DNM1L: variants seen among roughly 807,000 people sequenced by gnomAD.
DNM1L encodes dynamin-1-like protein.
In DNM1L, 33 loss-of-function variants were observed where a neutral mutation model predicts 92.8. The observed-to-expected ratio is 0.36, with a 90% CI of 0.27 to 0.48. The LOEUF (loss-of-function observed/expected upper bound fraction) is 0.48, where lower values mean the gene tolerates loss of function less well. Ranked by LOEUF, DNM1L falls within the 20% of genes least tolerant of loss-of-function variation. The probability of loss-of-function intolerance (pLI) is 0.99; values close to 1 mark genes in which losing one functional copy is unlikely to be tolerated. For synonymous variants in DNM1L, 284 were observed against 305.0 expected (o/e 0.93, Z 0.72); for missense variants, 485 against 888.8 (o/e 0.55, Z 5.78).
At position 32,744,177 on chromosome 12, in the gene DNM1L, TTCC is replaced by T. The variant is rs1311155142; in HGVS notation, c.*769_*771del. On this transcript the variant is annotated 3_prime_UTR_variant, in exon 20 of 20. Transcript: ENST00000549701. ...AGAAAGACTTGGTAATGATGGTCAG[TTCC>T]TTTTAGATTTCAGAAAATCAAATGA... 85 of 152,374 alleles carry T rather than the reference TTCC, an allele frequency of 5.6e-4. 1 individual carries two copies. The highest frequency in any genetic ancestry group is 2.0e-3 in the African/African-American group (84 of 41,584). The allele number at this position is 152,374 out of a possible 1,614,324, so 9.4% of individuals were successfully genotyped here.
At chr12:32,682,616 AG>A (rs1340632359) in intron 1 of DNM1L, among the ~76,000 whole-genome samples, 1 of 152,160 alleles carries the variant, frequency 6.6e-6, no homozygotes, top group Non-Finnish European at 1.5e-5. Context: ...CAGGAAAATT[AG>A]GGGAGGTTGA....
chr12:32,707,066 G>A (rs1219193327), intron 2 of DNM1L: 3 of 278,368 alleles, frequency 1.1e-5, no homozygotes, highest in African/African-American at 6.7e-5. Flanking sequence ...AAAATATGAA[G>A]AGAAATAAAC....
At chr12:32,713,924 G>C (rs1953245545) in intron 6 of DNM1L, among the ~76,000 whole-genome samples, 1 of 152,172 alleles carries the variant, frequency 6.6e-6, no homozygotes, top group South Asian at 2.1e-4. Context: ...TCAAGGCACA[G>C]GGGATTTTTA....
At position 32,726,471 on chromosome 12, in the gene DNM1L, G is replaced by C. The variant is rs1180294334; in HGVS notation, c.1079+3838G>C. On this transcript the variant is annotated intron_variant, in intron 9 of 19. Transcript: ENST00000549701. ...ATCTCCTTTGTCCTCTTCCTCATCT[G>C]CTTCTTCACCTTCTTCATCATACTC... 3 of 1,167,114 alleles carry C rather than the reference G, an allele frequency of 2.6e-6. No individual in the cohort carries two copies. In the African/African-American group the frequency reaches 4.5e-5, roughly 18 times the overall value. 72.3% of individuals were successfully genotyped at this position (1,167,114 alleles called of 1,614,324 possible).
intron 1 of DNM1L, among the ~76,000 whole-genome samples, chr12:32,698,868 T>C (rs986855815): frequency 2.0e-5 from 3 of 152,070 alleles, no homozygotes; most frequent in African/African-American, 7.2e-5. Flanking sequence ...ATTTCCTGAA[T>C]GTAAGTGGTG....
At chr12:32,735,774 G>A (rs531006883) in intron 13 of DNM1L, among the ~76,000 whole-genome samples, 13 of 152,182 alleles carry the variant, frequency 8.5e-5, no homozygotes, top group Non-Finnish European at 1.6e-4. Context: ...TAGTAGGGAG[G>A]CTGCAGCAGG....
chr12:32,718,058 CATATTTT>C (rs1321220740), intron 6 of DNM1L, among the ~76,000 whole-genome samples: 3 of 127,322 alleles, frequency 2.4e-5, no homozygotes, highest in African/African-American at 8.9e-5. Context: ...ATATACTATA[CATATTTT>C]ATATATATAC....
At chr12:32,716,617 A>C (rs1302617991) in intron 6 of DNM1L, among the ~76,000 whole-genome samples, 2 of 151,754 alleles carry the variant, frequency 1.3e-5, no homozygotes, top group African/African-American at 4.8e-5. Context: ...TATCACCTGG[A>C]TGTAAATTTT....
chr12:32,718,882 T>C, intron 7 of DNM1L, 119 bp downstream of exon 7: 1 of 1,366,100 alleles, frequency 7.3e-7, no homozygotes. Flanking sequence ...CTGTACTATA[T>C]TTTTTCTCCC....
At chr12:32,701,944 T>C (rs983138150) in intron 2 of DNM1L, among the ~76,000 whole-genome samples, 3 of 148,678 alleles carry the variant, frequency 2.0e-5, no homozygotes, top group African/African-American at 7.4e-5. Context: ...GCCAGGCTGG[T>C]CTCGAACTCC....
At chr12:32,719,862 A>G (rs940053454) in intron 7 of DNM1L, among the ~76,000 whole-genome samples, 1 of 152,326 alleles carries the variant, frequency 6.6e-6, no homozygotes, top group Admixed American at 6.5e-5. Flanking sequence ...TATACATTTA[A>G]CCAAAAGTCA....
chr12:32,739,458 T>G (rs1955129150), intron 16 of DNM1L, among the ~76,000 whole-genome samples: 1 of 152,246 alleles, frequency 6.6e-6, no homozygotes. Flanking sequence ...GGACTTCTGT[T>G]GTTTGTCACA....
rs1467833018 is a variant in DNM1L, at chr12:32,718,913, T to G, written c.740+150T>G. The stretch of plus-strand genomic sequence containing the variant: ...CTCCCTTTTATTATGATCTTGGTAT[T>G]GCTAAAGAATCCGTTGCCCTAAAGG... On this transcript the variant is annotated intron_variant, in intron 7 of 19. Coordinates refer to ENST00000549701, the MANE Select transcript of DNM1L (RefSeq NM_012062.5). 6 of 1,190,620 alleles carry G rather than the reference T, an allele frequency of 5.0e-6. No individual in the cohort carries two copies. In the African/African-American group the frequency reaches 9.2e-5, roughly 18 times the overall value. The allele number at this position is 1,190,620 out of a possible 1,614,324, so 73.8% of individuals were successfully genotyped here.
intron 6 of DNM1L, among the ~76,000 whole-genome samples, chr12:32,715,786 T>C (rs1953337193): frequency 6.6e-6 from 1 of 152,190 alleles, no homozygotes; most frequent in Non-Finnish European, 1.5e-5. Flanking sequence ...TTGTACACTA[T>C]GCAGAGCAGT....
chr12:32,721,151 T>G (rs761406768), intron 8 of DNM1L, among the ~76,000 whole-genome samples: 2 of 152,246 alleles, frequency 1.3e-5, no homozygotes, highest in African/African-American at 2.4e-5. Context: ...CCTTAGAATG[T>G]GTTTTATTTA....
intron 1 of DNM1L, among the ~76,000 whole-genome samples, chr12:32,685,992 C>CT (rs530301705): frequency 2.5e-4 from 33 of 134,316 alleles, no homozygotes; most frequent in Middle Eastern, 4.7e-3. Flanking sequence ...TGAGCTGCTG[C>CT]TTTTTTTTAA....
At chr12:32,730,052 A>G (rs1371030272) in intron 9 of DNM1L, among the ~76,000 whole-genome samples, 2 of 152,216 alleles carry the variant, frequency 1.3e-5, no homozygotes, top group African/African-American at 4.8e-5. Flanking sequence ...TAAGGTGCTC[A>G]GTAACTATAT....
chr12:32,703,605 A>G (rs1038068874), intron 2 of DNM1L, among the ~76,000 whole-genome samples: 1 of 144,488 alleles, frequency 6.9e-6, no homozygotes, highest in African/African-American at 2.7e-5. Context: ...GGGAAGAAAC[A>G]TAAACTTTCA....
Position 32,726,386 on chromosome 12 carries a change from C to T in DNM1L, c.1079+3753C>T, listed in dbSNP as rs564770003. ...AGGCCACATATATCCTGCTTCACTG[C>T]TGCTTGCACTCTGCTGGGTTTTGAT... On this transcript the variant is annotated intron_variant, in intron 9 of 19. Transcript: ENST00000549701. 14 of 1,576,404 alleles carry T rather than the reference C, an allele frequency of 8.9e-6. No homozygotes were observed. The East Asian group carries it at 1.6e-4, about 18-fold the overall frequency.
Sources: allele counts gnomAD v4.1 joint callset (sites outside exome capture counted in the v4.1 genomes callset), GRCh38; gene constraint gnomAD v4.1.1; transcripts MANE v1.5; gene names NCBI Gene and HGNC (gene_info 2026-07-23, HGNC 2026-07-21).